RABGAP1L: variants seen among roughly 807,000 people sequenced by gnomAD.
RABGAP1L encodes the protein RAB GTPase activating protein 1 like.
A neutral mutation model predicts 137.7 loss-of-function variants in RABGAP1L; 63 were observed. The ratio of observed to expected loss-of-function variants is 0.46; its 90% CI spans 0.37 to 0.56. The LOEUF (loss-of-function observed/expected upper bound fraction) is 0.56, where lower values mean the gene tolerates loss of function less well. Among genes scored for constraint, RABGAP1L ranks in the 20% least tolerant of loss-of-function variants. The pLI is 0.00. For missense variants in RABGAP1L, 1,095 were observed against 1,244.0 expected (o/e 0.88, Z 1.80); for synonymous variants, 431 against 433.7 (o/e 0.99, Z 0.08).
intron 12 of RABGAP1L, among the ~76,000 whole-genome samples, chr1:174,386,576 C>T (rs925445309): frequency 7.9e-5 from 12 of 151,610 alleles, no homozygotes; most frequent in Non-Finnish European, 1.2e-4. Context: ...GGGGCGATCT[C>T]GGCTCACTGC....
At chr1:174,845,274 C>T (rs1202462483) in intron 19 of RABGAP1L, among the ~76,000 whole-genome samples, 157 of 108,590 alleles carry the variant, frequency 1.4e-3, no homozygotes, top group African/African-American at 4.0e-3. Flanking sequence ...TGAATAGGAG[C>T]GGTGAGAGAG....
chr1:174,985,166 G>A (rs1420862712), intron 24 of RABGAP1L, among the ~76,000 whole-genome samples: 1 of 152,242 alleles, frequency 6.6e-6, no homozygotes, highest in Non-Finnish European at 1.5e-5. Context: ...CGGATCACTT[G>A]AGTCCAGGAG....
At chr1:174,752,440 C>T (rs1684414213) in intron 18 of RABGAP1L, 86 bp downstream of exon 18, 4 of 1,011,104 alleles carry the variant, frequency 4.0e-6, no homozygotes, top group Admixed American at 2.7e-5. Context: ...CAGTCTTTGA[C>T]TCATTTCAGT....
chr1:174,192,814 A>G lies in RABGAP1L; in HGVS notation c.-33-26311A>G, dbSNP rs185038586. On this transcript the variant is annotated intron_variant, in intron 1 of 25. Coordinates refer to ENST00000681986, the MANE Select transcript of RABGAP1L (RefSeq NM_001366446.1). ...AGGTTTTTTGCCAGAGTCCCTTCAC[A>G]TAAACACTTTGGGCAGGAAACTAGG... 2.7e-4 allele frequency among the ~76,000 whole-genome samples: 41 copies of G among 152,326 alleles called. 1 individual carries two copies. The East Asian group carries it at 7.9e-3, about 29-fold the overall frequency.
intron 13 of RABGAP1L, chr1:174,545,610 G>T (rs1229400011): frequency 2.0e-5 from 3 of 152,690 alleles, no homozygotes; most frequent in Non-Finnish European, 4.4e-5. Flanking sequence ...ACAAGCCCCA[G>T]TGAGATGAAC....
chr1:174,736,741 G>A (rs1471356922), intron 17 of RABGAP1L, among the ~76,000 whole-genome samples: 4 of 152,200 alleles, frequency 2.6e-5, no homozygotes, highest in Non-Finnish European at 5.9e-5. Flanking sequence ...CATCCTTCAT[G>A]CTTGCATTCT....
intron 12 of RABGAP1L, among the ~76,000 whole-genome samples, chr1:174,373,463 T>A (rs1320100556): frequency 2.0e-5 from 3 of 152,178 alleles, no homozygotes; most frequent in Non-Finnish European, 4.4e-5. Context: ...GTCTAGGAAC[T>A]CAGAGGAGGT....
At chr1:174,341,381 A>G (rs1347882579) in intron 11 of RABGAP1L, among the ~76,000 whole-genome samples, 12 of 152,200 alleles carry the variant, frequency 7.9e-5, no homozygotes, top group Admixed American at 5.9e-4. Flanking sequence ...TTTATCTTAG[A>G]GACATTGGCA....
intron 7 of RABGAP1L, among the ~76,000 whole-genome samples, chr1:174,262,109 T>C (rs1237364578): frequency 7.2e-5 from 11 of 152,248 alleles, no homozygotes; most frequent in Admixed American, 6.5e-5. Flanking sequence ...CATTATTCTC[T>C]GTTAATGATT....
intron 18 of RABGAP1L, among the ~76,000 whole-genome samples, chr1:174,793,150 A>G (rs1016757142): frequency 2.0e-5 from 3 of 151,940 alleles, no homozygotes; most frequent in Admixed American, 1.3e-4. Flanking sequence ...AAAGAAAAAA[A>G]GAAAAAGATA....
At chr1:174,615,488 TG>T (rs1021791376) in intron 13 of RABGAP1L, among the ~76,000 whole-genome samples, 2 of 152,128 alleles carry the variant, frequency 1.3e-5, no homozygotes, top group Admixed American at 6.5e-5. Flanking sequence ...TGCCCCTACT[TG>T]GGGGTGCCTC....
chr1:174,534,801 A>AAT (rs1558316651), intron 13 of RABGAP1L, among the ~76,000 whole-genome samples: 1 of 144,568 alleles, frequency 6.9e-6, no homozygotes, highest in East Asian at 1.9e-4. Flanking sequence ...AAAAAAAAAA[A>AAT]AAATAATTAG....
chr1:174,298,532 G>A (rs937348125), intron 10 of RABGAP1L, among the ~76,000 whole-genome samples: 2 of 152,102 alleles, frequency 1.3e-5, no homozygotes, highest in African/African-American at 4.8e-5. Flanking sequence ...GGATCCTTCA[G>A]ATCCAATTTT....
chr1:174,517,013 C>A (rs1662930084), intron 13 of RABGAP1L, among the ~76,000 whole-genome samples: 1 of 151,242 alleles, frequency 6.6e-6, no homozygotes, highest in Non-Finnish European at 1.5e-5. Flanking sequence ...TTAATATAGT[C>A]CTGTATTCAA....
At chr1:174,199,384 C>T (rs541536742) in intron 1 of RABGAP1L, among the ~76,000 whole-genome samples, 160 of 152,132 alleles carry the variant, frequency 1.1e-3, no homozygotes, top group Non-Finnish European at 1.3e-3. Flanking sequence ...CTCTGCCTGC[C>T]GGATTCAAGC....
At chr1:174,402,681 C>T (rs1378350288) in intron 13 of RABGAP1L, among the ~76,000 whole-genome samples, 2 of 152,052 alleles carry the variant, frequency 1.3e-5, no homozygotes, top group Admixed American at 6.6e-5. Flanking sequence ...TTTTATTATT[C>T]CTGTTAAGCT....
intron 20 of RABGAP1L, among the ~76,000 whole-genome samples, chr1:174,960,204 T>C (rs1668966348): frequency 6.6e-6 from 1 of 152,166 alleles, no homozygotes; most frequent in Non-Finnish European, 1.5e-5. Flanking sequence ...AGCCCACATA[T>C]GTTATATAAT....
chr1:174,878,356 A>G (rs1289861038), intron 19 of RABGAP1L, among the ~76,000 whole-genome samples: 1 of 151,978 alleles, frequency 6.6e-6, no homozygotes, highest in African/African-American at 2.4e-5. Context: ...CCTCCCTAGT[A>G]GCTGGGATTA....
chr1:174,525,271 G>A (rs944940405), intron 13 of RABGAP1L, among the ~76,000 whole-genome samples: 1 of 152,118 alleles, frequency 6.6e-6, no homozygotes. Context: ...TCTGATCCAT[G>A]AGCATGGGTT....
Sources: gnomAD v4.1 joint callset for allele counts (sites outside exome capture counted in the v4.1 genomes callset) on GRCh38, gnomAD v4.1.1 for gene constraint, MANE v1.5 for transcripts, NCBI Gene and HGNC (gene_info 2026-07-23, HGNC 2026-07-21) for gene names.